The following ELMO1 variants were observed in gnomAD, a reference collection of about 807,000 sequenced individuals.
The protein encoded by ELMO1 is engulfment and cell motility protein 1.
Under a neutral mutation model 98.9 loss-of-function variants are expected in ELMO1, and 26 were observed. The observed-to-expected ratio is 0.26, with a 90% confidence interval of 0.19 to 0.36. ELMO1 has a LOEUF of 0.36. Among genes scored for constraint, ELMO1 ranks in the 10% least tolerant of loss-of-function variants. The pLI, the probability that ELMO1 is intolerant of heterozygous loss-of-function variation, is 1.00. For missense variants in ELMO1, 627 were observed against 935.2 expected (o/e 0.67, Z 4.30); for synonymous variants, 346 against 346.0 (o/e 1.00, Z 0.00).
At chr7:37,155,636 T>C (rs1221287719) in intron 13 of ELMO1, among the ~76,000 whole-genome samples, 3 of 152,110 alleles carry the variant, frequency 2.0e-5, no homozygotes, top group South Asian at 2.1e-4. Context: ...ATCCTAAATA[T>C]ATATGCACCC....
intron 16 of ELMO1, among the ~76,000 whole-genome samples, chr7:37,003,436 T>C (rs922625569): frequency 1.3e-5 from 2 of 152,228 alleles, no homozygotes; most frequent in Non-Finnish European, 2.9e-5. Context: ...TGATATCTTC[T>C]TCTGGCCTCT....
At chr7:37,418,956 A>G (rs1804351640) in intron 1 of ELMO1, among the ~76,000 whole-genome samples, 1 of 152,094 alleles carries the variant, frequency 6.6e-6, no homozygotes, top group African/African-American at 2.4e-5. Context: ...AGTCGAGGGA[A>G]GAAGAGCACC....
intron 16 of ELMO1, among the ~76,000 whole-genome samples, chr7:36,965,205 A>G (rs1789310826): frequency 6.6e-6 from 1 of 152,004 alleles, no homozygotes. Flanking sequence ...TAATGTATTC[A>G]TGGCATCATG....
chr7:37,426,698 A>G (rs1804725306), intron 1 of ELMO1, among the ~76,000 whole-genome samples: 1 of 152,074 alleles, frequency 6.6e-6, no homozygotes, highest in South Asian at 2.1e-4. Flanking sequence ...TCACAGACAA[A>G]ATCCAGGTTT....
intron 11 of ELMO1, among the ~76,000 whole-genome samples, chr7:37,216,077 C>T (rs1426793789): frequency 1.3e-5 from 2 of 150,638 alleles, no homozygotes; most frequent in African/African-American, 4.9e-5. Flanking sequence ...GCGGGTAAGG[C>T]CTCAGGAAAT....
At chr7:37,153,654 C>T (rs1788518805) in intron 13 of ELMO1, among the ~76,000 whole-genome samples, 1 of 152,184 alleles carries the variant, frequency 6.6e-6, no homozygotes, top group Admixed American at 6.5e-5. Flanking sequence ...AGCAGGGAAG[C>T]TCAAACTGGG....
chr7:37,196,942 A>G (rs1031955422), intron 13 of ELMO1, among the ~76,000 whole-genome samples: 1 of 152,104 alleles, frequency 6.6e-6, no homozygotes, highest in Non-Finnish European at 1.5e-5. Context: ...CACTGCAGCT[A>G]TTTTCTGCAG....
chr7:37,091,204 T>C (rs940005626), intron 15 of ELMO1, among the ~76,000 whole-genome samples: 2 of 152,130 alleles, frequency 1.3e-5, no homozygotes, highest in African/African-American at 2.4e-5. Context: ...GCCTCCTGGG[T>C]TCCAGTGATT....
At chr7:37,335,094 G>C (rs1320716546) in intron 2 of ELMO1, among the ~76,000 whole-genome samples, 1 of 152,026 alleles carries the variant, frequency 6.6e-6, no homozygotes, top group South Asian at 2.1e-4. Context: ...AGAGAAGTGA[G>C]CATGAAAAAA....
intron 16 of ELMO1, among the ~76,000 whole-genome samples, chr7:36,970,725 C>A (rs1392622889): frequency 6.6e-6 from 1 of 152,216 alleles, no homozygotes; most frequent in Non-Finnish European, 1.5e-5. Context: ...AGCTTCCTGT[C>A]TTCTCTTTTC....
chr7:37,230,210 T>C (rs1220372156), intron 8 of ELMO1, among the ~76,000 whole-genome samples: 1 of 152,166 alleles, frequency 6.6e-6, no homozygotes, highest in Non-Finnish European at 1.5e-5. Flanking sequence ...AAAGCCACGT[T>C]TCTGCCTTCC....
chr7:37,317,225 C>T (rs1305213097), intron 2 of ELMO1, among the ~76,000 whole-genome samples: 3 of 152,174 alleles, frequency 2.0e-5, no homozygotes, highest in African/African-American at 7.2e-5. Context: ...TCTCCAAGGG[C>T]CTCCCTAACC....
chr7:37,261,316 T>C (rs1236461118), intron 5 of ELMO1, among the ~76,000 whole-genome samples: 1 of 152,202 alleles, frequency 6.6e-6, no homozygotes, highest in Non-Finnish European at 1.5e-5. Context: ...GAGGCTAAAA[T>C]AGAAACTGGG....
chr7:37,445,508 T>G (rs1162877257), intron 1 of ELMO1, among the ~76,000 whole-genome samples: 1 of 152,168 alleles, frequency 6.6e-6, no homozygotes, highest in Admixed American at 6.5e-5. Context: ...TGTGATCAGG[T>G]GAGCTCCTTG....
chr7:37,288,042 C>G (rs1210098438), intron 4 of ELMO1, among the ~76,000 whole-genome samples: 1 of 151,590 alleles, frequency 6.6e-6, no homozygotes, highest in Admixed American at 6.6e-5. Context: ...CTCACTGAAA[C>G]CTCTGCCTCC....
intron 1 of ELMO1, among the ~76,000 whole-genome samples, chr7:37,415,561 T>TA (rs1445847933): frequency 6.6e-6 from 1 of 152,186 alleles, no homozygotes; most frequent in East Asian, 1.9e-4. Flanking sequence ...AGCGTGGATA[T>TA]AAAAATTTAA....
Position 36,979,948 on chromosome 7 carries a change from G to C in ELMO1, c.1437+33351C>G, listed in dbSNP as rs1469463540. On this transcript the variant is annotated intron_variant, in intron 16 of 21. Coordinates refer to ENST00000310758, the MANE Select transcript of ELMO1 (RefSeq NM_014800.11). ...CAGATGCTATCTTAAATATTCAGCT[G>C]CAAGAATTCCAACCAAGTTGGAAAG... Among the ~76,000 whole-genome samples the C allele has an allele frequency of 2.0e-5, 3 of 152,298 alleles. No individual in the cohort carries two copies. In the East Asian group the frequency reaches 5.8e-4, roughly 29 times the overall value.
chr7:37,319,878 CT>C (rs1210633603), intron 2 of ELMO1, among the ~76,000 whole-genome samples: 4 of 151,922 alleles, frequency 2.6e-5, no homozygotes, highest in African/African-American at 9.7e-5. Context: ...ATTTTTTTTT[CT>C]CCAATCCCCA....
At chr7:37,291,746 C>T (rs1428619160) in intron 4 of ELMO1, among the ~76,000 whole-genome samples, 1 of 152,160 alleles carries the variant, frequency 6.6e-6, no homozygotes, top group African/African-American at 2.4e-5. Context: ...GAAACTCCGT[C>T]TCTACTAAAA....
Sources: allele counts gnomAD v4.1 joint callset (sites outside exome capture counted in the v4.1 genomes callset), GRCh38; gene constraint gnomAD v4.1.1; transcripts MANE v1.5; gene names NCBI Gene and HGNC (gene_info 2026-07-23, HGNC 2026-07-21).